The following EPS15L1 variants were observed in gnomAD, a reference collection of about 807,000 sequenced individuals.
The protein encoded by EPS15L1 is epidermal growth factor receptor pathway substrate 15 like 1, also known as epidermal growth factor receptor substrate 15-like 1.
Under a neutral mutation model 117.1 loss-of-function variants are expected in EPS15L1, and 43 were observed. That is an observed-to-expected ratio of 0.37 (90% CI 0.29 to 0.47). The LOEUF (loss-of-function observed/expected upper bound fraction) is 0.47, where lower values mean the gene tolerates loss of function less well. EPS15L1 is among the 20% of genes least tolerant of loss of function. The pLI is 0.99. For missense variants in EPS15L1, 981 were observed against 1,164.0 expected, an observed-to-expected ratio of 0.84 and a Z score of 2.29; for synonymous variants, 459 against 470.5, an observed-to-expected ratio of 0.98 and a Z score of 0.32.
At chr19:16,449,627 T>A (rs558307690) in intron 1 of EPS15L1, among the ~76,000 whole-genome samples, 5 of 152,156 alleles carry the variant, frequency 3.3e-5, no homozygotes, top group South Asian at 2.1e-4. Context: ...AACTACCGCA[T>A]GAACCAGCAA....
rs1232709150 is a variant in EPS15L1 at position 16,365,194 on chromosome 19, G to T, written c.2381-3210C>A. Among the ~76,000 whole-genome samples, 1 of 152,214 alleles carries T rather than the reference G, an allele frequency of 6.6e-6. No homozygotes were observed. The highest frequency in any genetic ancestry group is 1.5e-5 in the Non-Finnish European group (1 of 68,050). ...GGGGCTGGGAGTGGCCCTGGAAGACGGTGTGGGGCATGGCGGCCACCCCCC... is the reference window on the plus strand; with the variant it reads ...GGGGCTGGGAGTGGCCCTGGAAGACTGTGTGGGGCATGGCGGCCACCCCCC... On this transcript the variant is annotated intron_variant, in intron 22 of 23. Transcript: ENST00000455140. The surrounding 1 kb of genome is among the most constrained non-coding windows in gnomAD (Gnocchi z 4.9).
At chr19:16,465,124 A>G (rs59155277) in intron 1 of EPS15L1, among the ~76,000 whole-genome samples, 1,852 of 152,036 alleles carry the variant, frequency 0.012, 34 homozygotes, top group African/African-American at 0.043. Flanking sequence ...ATGTTTTAGG[A>G]AAGTTTACAA....
intron 7 of EPS15L1, among the ~76,000 whole-genome samples, chr19:16,431,449 G>A (rs1204452137): frequency 1.3e-5 from 2 of 151,484 alleles, no homozygotes; most frequent in Non-Finnish European, 2.9e-5. Context: ...GACTACATGA[G>A]TGTGCCACCA....
intron 1 of EPS15L1, among the ~76,000 whole-genome samples, chr19:16,449,069 T>C (rs1599668230): frequency 6.7e-6 from 1 of 150,282 alleles, no homozygotes; most frequent in East Asian, 2.0e-4. Flanking sequence ...AGCCCAGGAG[T>C]TCCAGACCAG....
chr19:16,375,751 A>G (rs976214991), intron 22 of EPS15L1, among the ~76,000 whole-genome samples: 1 of 152,234 alleles, frequency 6.6e-6, no homozygotes, highest in African/African-American at 2.4e-5. Context: ...CACACAGCCC[A>G]TACTTGGTCA....
chr19:16,443,128 G>A (rs750324346), intron 1 of EPS15L1, among the ~76,000 whole-genome samples: 1 of 152,206 alleles, frequency 6.6e-6, no homozygotes, highest in Non-Finnish European at 1.5e-5. Context: ...CAAACCTGCC[G>A]CTGATGTAAT....
intron 1 of EPS15L1, among the ~76,000 whole-genome samples, chr19:16,449,647 G>C (rs1266849672): frequency 2.0e-5 from 3 of 152,138 alleles, no homozygotes; most frequent in African/African-American, 7.2e-5. Flanking sequence ...ACTGTCCTGG[G>C]CATTTACCCG....
intron 22 of EPS15L1, among the ~76,000 whole-genome samples, chr19:16,363,326 C>CA: frequency 6.6e-6 from 1 of 152,186 alleles, no homozygotes; most frequent in Non-Finnish European, 1.5e-5. Flanking sequence ...CCTGTCCCTC[C>CA]AGGGTTGACC....
chr19:16,375,716 GT>G (rs2092287002), intron 22 of EPS15L1, among the ~76,000 whole-genome samples: 1 of 152,204 alleles, frequency 6.6e-6, no homozygotes, highest in African/African-American at 2.4e-5. Context: ...CTGCTCAACA[GT>G]TCACAGAAAA....
At chr19:16,389,866 A>G (rs559698166) in intron 19 of EPS15L1, among the ~76,000 whole-genome samples, 1 of 152,368 alleles carries the variant, frequency 6.6e-6, no homozygotes, top group South Asian at 2.1e-4. Context: ...TATTTCCTAA[A>G]GCAACCTCTA....
intron 12 of EPS15L1, 145 bp from the exon 13 acceptor site, chr19:16,413,990 G>C (rs1407375276): frequency 7.8e-6 from 5 of 640,636 alleles, no homozygotes; most frequent in Non-Finnish European, 1.4e-5. Flanking sequence ...TGCTCGCCCT[G>C]TACAGTCCCT....
chr19:16,363,763 C>A (rs896733443), intron 22 of EPS15L1, among the ~76,000 whole-genome samples: 3 of 152,268 alleles, frequency 2.0e-5, no homozygotes, highest in Non-Finnish European at 4.4e-5. Context: ...CAGTGAGAAC[C>A]TGGCCCGTAG....
rs759428631 is a variant in EPS15L1, at chr19:16,373,615, C to G, written c.2380+3507G>C. On this transcript the variant is annotated intron_variant, in intron 22 of 23. Coordinates refer to ENST00000455140, the MANE Select transcript of EPS15L1 (RefSeq NM_001258374.3). The stretch of plus-strand genomic sequence containing the variant: ...ACTTCACCCGACACTCATCTGCTGA[C>G]CGCTCTTGCCCATAACCAGAGGCCT... 2.9e-4 allele frequency among the ~76,000 whole-genome samples: 44 copies of G among 152,184 alleles called. 1 individual carries two copies. Among genetic ancestry groups the G allele is most frequent in the Admixed American group, 1.3e-4 (2 of 15,278 alleles).
At chr19:16,449,369 G>A (rs1292864997) in intron 1 of EPS15L1, among the ~76,000 whole-genome samples, 8 of 152,132 alleles carry the variant, frequency 5.3e-5, no homozygotes, top group Non-Finnish European at 8.8e-5. Context: ...GCAAATAAAC[G>A]TATGAAAATA....
In EPS15L1 at chr19:16,373,015, G is replaced by A. The variant is rs575332211; in HGVS notation, c.2380+4107C>T. On this transcript the variant is annotated intron_variant, in intron 22 of 23. Coordinates refer to ENST00000455140, the MANE Select transcript of EPS15L1 (RefSeq NM_001258374.3). Reference sequence around the variant, plus strand: ...TAGAAACCTCTGGGTGCCCTGGGATGGACAAACCCTGGATGGGAGCATGGG... The same window carrying A: ...TAGAAACCTCTGGGTGCCCTGGGATAGACAAACCCTGGATGGGAGCATGGG... Among the ~76,000 whole-genome samples the A allele has an allele frequency of 2.0e-5, 3 of 152,376 alleles. No homozygotes were observed. In the East Asian group the frequency reaches 5.8e-4, roughly 29 times the overall value.
intron 10 of EPS15L1, among the ~76,000 whole-genome samples, chr19:16,418,480 T>C (rs997924668): frequency 2.0e-5 from 3 of 152,216 alleles, no homozygotes; most frequent in Non-Finnish European, 4.4e-5. Context: ...TCCGTGGAAA[T>C]GGGTGCTGAG....
chr19:16,358,563 C>A (rs2092012378), intron 23 of EPS15L1, among the ~76,000 whole-genome samples: 1 of 152,162 alleles, frequency 6.6e-6, no homozygotes, highest in Non-Finnish European at 1.5e-5. Context: ...ACCACCCTAG[C>A]CGAGGCCTGC....
intron 1 of EPS15L1, among the ~76,000 whole-genome samples, chr19:16,451,050 A>G (rs1261510756): frequency 1.3e-5 from 2 of 151,992 alleles, no homozygotes; most frequent in Non-Finnish European, 2.9e-5. Context: ...TCCCAGGTTC[A>G]AGCAATTCTC....
intron 1 of EPS15L1, 42 bp from the exon 2 acceptor site, chr19:16,442,261 C>T: frequency 1.3e-6 from 2 of 1,578,356 alleles, no homozygotes; most frequent in Non-Finnish European, 1.7e-6. Flanking sequence ...GTGAACACAA[C>T]CCCTTGGGGA....
Sources: gnomAD v4.1 joint callset for allele counts (sites outside exome capture counted in the v4.1 genomes callset) on GRCh38, gnomAD v4.1.1 for gene constraint, Gnocchi (gnomAD v3.1) non-coding constraint, MANE v1.5 for transcripts, NCBI Gene and HGNC (gene_info 2026-07-23, HGNC 2026-07-21) for gene names.